The following ACAP2 variants were observed in gnomAD, a reference collection of about 807,000 sequenced individuals.
The protein encoded by ACAP2 is arf-GAP with coiled-coil, ANK repeat and PH domain-containing protein 2.
ACAP2 carries 39 observed loss-of-function variants against 115.8 expected under a neutral mutation model. The observed-to-expected ratio is 0.34, with a 90% CI of 0.26 to 0.44. ACAP2 has a LOEUF of 0.44. Ranked by LOEUF, ACAP2 falls within the 20% of genes least tolerant of loss-of-function variation. The probability of loss-of-function intolerance (pLI) is 1.00; values close to 1 mark genes in which losing one functional copy is unlikely to be tolerated. For missense variants in ACAP2, 662 were observed against 927.6 expected (o/e 0.71, Z 3.72); for synonymous variants, 289 against 315.8 (o/e 0.92, Z 0.90).
chr3:195,289,491 T>A lies in ACAP2; in HGVS notation c.2064-260A>T, dbSNP rs547676379. Among the ~76,000 whole-genome samples the A allele has an allele frequency of 6.4e-4, 97 of 152,112 alleles. 2 individuals are homozygous for A. Among genetic ancestry groups the A allele is most frequent in the Admixed American group, 7.2e-4 (11 of 15,288 alleles). On this transcript the variant is annotated intron_variant, in intron 20 of 22. Coordinates refer to ENST00000326793, the MANE Select transcript of ACAP2 (RefSeq NM_012287.6). ...AGCATGGTGGATATATAAGTTGTGGTCCCTACCCTCAAAGAATATCATAAA... is the reference window on the plus strand; with the variant it reads ...AGCATGGTGGATATATAAGTTGTGGACCCTACCCTCAAAGAATATCATAAA...
intron 1 of ACAP2, among the ~76,000 whole-genome samples, chr3:195,417,078 ATTT>A (rs11293878): frequency 6.4e-5 from 7 of 109,530 alleles, no homozygotes; most frequent in Admixed American, 3.0e-4. Context: ...TGCCTGGCTA[ATTT>A]TTTTTTTTTT....
At chr3:195,408,735 A>G (rs1263676211) in intron 1 of ACAP2, among the ~76,000 whole-genome samples, 1 of 152,220 alleles carries the variant, frequency 6.6e-6, no homozygotes, top group Admixed American at 6.5e-5. Flanking sequence ...ACAGCATAGT[A>G]AAAGGATTAT....
chr3:195,442,751 G>A (rs1419813047), intron 1 of ACAP2, 44 bp downstream of exon 1: 2 of 1,524,008 alleles, frequency 1.3e-6, no homozygotes, highest in Admixed American at 2.1e-5. Flanking sequence ...CCCCAGCGCC[G>A]GGAAGGCAGC....
At chr3:195,388,362 A>G (rs1734436278) in intron 2 of ACAP2, among the ~76,000 whole-genome samples, 1 of 152,240 alleles carries the variant, frequency 6.6e-6, no homozygotes, top group Admixed American at 6.5e-5. Context: ...GATGGCAACT[A>G]TGATGCACTA....
intron 1 of ACAP2, among the ~76,000 whole-genome samples, chr3:195,433,257 T>C (rs771914784): frequency 1.3e-5 from 2 of 152,260 alleles, no homozygotes; most frequent in African/African-American, 2.4e-5. Flanking sequence ...TATGTGTAAA[T>C]AGTTGTTATA....
chr3:195,346,036 A>C (rs1355401763), intron 4 of ACAP2, among the ~76,000 whole-genome samples: 1 of 152,220 alleles, frequency 6.6e-6, no homozygotes, highest in East Asian at 1.9e-4. Context: ...AATATCCAAA[A>C]GAAAATCCTC....
rs139350841 is a variant in ACAP2 at position 195,368,235 on chromosome 3, C to T, written c.285+12774G>A. Among the ~76,000 whole-genome samples, 880 of 152,238 alleles carry T rather than the reference C, an allele frequency of 5.8e-3. 9 individuals are homozygous for T. The highest frequency in any genetic ancestry group is 0.019 in the African/African-American group (779 of 41,544). ...CTCGATCTCAGCTCACTGCAACCTT[C>T]GCCTCCCGGGTTCAAGCGATTCTTC... On this transcript the variant is annotated intron_variant, in intron 4 of 22. Coordinates refer to ENST00000326793, the MANE Select transcript of ACAP2 (RefSeq NM_012287.6).
chr3:195,380,612 G>A (rs1733880129), intron 4 of ACAP2, among the ~76,000 whole-genome samples: 1 of 152,016 alleles, frequency 6.6e-6, no homozygotes, highest in Non-Finnish European at 1.5e-5. Context: ...TAATTGTTTA[G>A]ATAAAGGGAA....
At chr3:195,319,420 C>T (rs561423704) in intron 10 of ACAP2, among the ~76,000 whole-genome samples, 3 of 152,280 alleles carry the variant, frequency 2.0e-5, no homozygotes, top group South Asian at 2.1e-4. Context: ...CTGGAAACAC[C>T]GCAGGCACTC....
chr3:195,346,736 C>T (rs185600123), intron 4 of ACAP2, among the ~76,000 whole-genome samples: 133 of 152,314 alleles, frequency 8.7e-4, no homozygotes, highest in Non-Finnish European at 1.4e-3. Context: ...ATAGCAGTTT[C>T]ATTCCTAATT....
intron 1 of ACAP2, among the ~76,000 whole-genome samples, chr3:195,403,604 A>T (rs577854192): frequency 6.6e-6 from 1 of 152,340 alleles, no homozygotes; most frequent in East Asian, 1.9e-4. Flanking sequence ...GATGAATTAG[A>T]TGTGATATGC....
At chr3:195,346,139 C>G (rs1731174212) in intron 4 of ACAP2, among the ~76,000 whole-genome samples, 1 of 152,078 alleles carries the variant, frequency 6.6e-6, no homozygotes, top group Non-Finnish European at 1.5e-5. Flanking sequence ...CACACATTCC[C>G]CAGGAATCTG....
chr3:195,328,439 A>G (rs1441301473), intron 8 of ACAP2, among the ~76,000 whole-genome samples: 2 of 152,228 alleles, frequency 1.3e-5, no homozygotes, highest in Middle Eastern at 3.2e-3. Context: ...ATCCACAATG[A>G]AACAGATCTA....
At chr3:195,439,763 A>C (rs1168624970) in intron 1 of ACAP2, among the ~76,000 whole-genome samples, 1 of 151,916 alleles carries the variant, frequency 6.6e-6, no homozygotes, top group Non-Finnish European at 1.5e-5. Flanking sequence ...AGTAGCTGGG[A>C]TTACAGGTGC....
intron 10 of ACAP2, chr3:195,312,803 T>C (rs1473178452): frequency 6.6e-6 from 1 of 152,240 alleles, no homozygotes; most frequent in East Asian, 1.9e-4. Flanking sequence ...AAAATAGTTA[T>C]ATTTTCTTCC....
At chr3:195,301,451 T>A in intron 15 of ACAP2, 124 bp downstream of exon 15, 1 of 757,232 alleles carries the variant, frequency 1.3e-6, no homozygotes, top group South Asian at 1.8e-5. Flanking sequence ...TCAGATGTGT[T>A]TCAATACAAT....
intron 20 of ACAP2, among the ~76,000 whole-genome samples, chr3:195,289,731 G>A (rs576430995): frequency 6.0e-4 from 89 of 148,734 alleles, no homozygotes; most frequent in Non-Finnish European, 6.9e-4. Flanking sequence ...GCGTGAACCC[G>A]GGAGGCGGAG....
intron 1 of ACAP2, among the ~76,000 whole-genome samples, chr3:195,429,877 C>T (rs1000043543): frequency 2.0e-5 from 3 of 151,974 alleles, no homozygotes; most frequent in Non-Finnish European, 4.4e-5. Flanking sequence ...GTTCTTTTTG[C>T]CTATGGCACA....
intron 4 of ACAP2, chr3:195,357,626 G>A (rs562510140): frequency 2.5e-4 from 38 of 152,322 alleles, no homozygotes; most frequent in African/African-American, 8.4e-4. Context: ...AGGCAGCTTA[G>A]CCAGAGAGAG....
Sources: allele counts gnomAD v4.1 joint callset (sites outside exome capture counted in the v4.1 genomes callset), GRCh38; gene constraint gnomAD v4.1.1; transcripts MANE v1.5; gene names NCBI Gene and HGNC (gene_info 2026-07-23, HGNC 2026-07-21).